CCNJL: variants seen among roughly 807,000 people sequenced by gnomAD.
CCNJL encodes cyclin-J-like protein.
In CCNJL, 33 loss-of-function variants were observed where a neutral mutation model predicts 33.4. The observed-to-expected ratio is 0.99, with a 90% CI of 0.75 to 1.32. The LOEUF is 1.32. Among genes scored for constraint, CCNJL ranks in the 40% most tolerant of loss-of-function variants. The pLI is 0.00. For missense variants in CCNJL, 512 were observed against 499.7 expected (o/e 1.02, Z -0.23); for synonymous variants, 227 against 220.9 (o/e 1.03, Z -0.24).
At chr5:160,296,720 C>T (rs914100399) in intron 2 of CCNJL, among the ~76,000 whole-genome samples, 1 of 152,180 alleles carries the variant, frequency 6.6e-6, no homozygotes, top group Non-Finnish European at 1.5e-5. Context: ...CTGCCCCTTG[C>T]AGGCCGCTAA....
rs534370577 is a variant in CCNJL at position 160,278,607 on chromosome 5, C to T, written c.280+1918G>A. 3.3e-5 allele frequency among the ~76,000 whole-genome samples: 5 copies of T among 152,294 alleles called. No individual in the cohort carries two copies. In the East Asian group the frequency reaches 9.7e-4, roughly 29 times the overall value. On this transcript the variant is annotated intron_variant, in intron 3 of 5. Coordinates refer to ENST00000257536, the MANE Select transcript of CCNJL (RefSeq NM_001308173.3). ...TCAGACACGTGGGTGGGGGCGTCTG[C>T]CTCTCTGTCTGAAACGTCCCCTCTC...
Position 160,255,545 on chromosome 5 carries a change from T to G in CCNJL, c.743+4A>C. 6 of 1,613,786 alleles carry G rather than the reference T, an allele frequency of 3.7e-6. No individual in the cohort carries two copies. The highest frequency in any genetic ancestry group is 5.1e-6 in the Non-Finnish European group (6 of 1,179,772). On this transcript the variant is annotated splice_donor_region_variant and intron_variant, in intron 5 of 5. Transcript: ENST00000257536. ...GAAACACAGGATTCAGGGGAGAAACTTACACCAGCAGGATTTCAATACACG... is the reference window on the plus strand; with the variant it reads ...GAAACACAGGATTCAGGGGAGAAACGTACACCAGCAGGATTTCAATACACG...
At chr5:160,318,852 G>A (rs1453156540) in intron 1 of CCNJL, among the ~76,000 whole-genome samples, 3 of 135,570 alleles carry the variant, frequency 2.2e-5, no homozygotes, top group African/African-American at 9.4e-5. Context: ...TCTTATTTTT[G>A]CATTTAAAAC....
chr5:160,312,705 C>G (rs1291726681), upstream of CCNJL: 1 of 151,988 alleles, frequency 6.6e-6, no homozygotes, highest in Non-Finnish European at 1.5e-5. Context: ...GCTTCCTGCC[C>G]GCCCTCCTCC....
intron 2 of CCNJL, among the ~76,000 whole-genome samples, chr5:160,310,319 T>C (rs894700446): frequency 2.0e-5 from 3 of 152,210 alleles, no homozygotes; most frequent in African/African-American, 7.2e-5. Flanking sequence ...GTGCCACACG[T>C]TGGCCACTCT....
chr5:160,293,050 A>G (rs1762637004), intron 2 of CCNJL, among the ~76,000 whole-genome samples: 1 of 152,240 alleles, frequency 6.6e-6, no homozygotes, highest in African/African-American at 2.4e-5. Context: ...ACTGTTTTCT[A>G]GACACTATGT....
intron 1 of CCNJL, among the ~76,000 whole-genome samples, chr5:160,320,757 T>C (rs377209563): frequency 7.9e-5 from 12 of 151,918 alleles, no homozygotes; most frequent in East Asian, 5.8e-4. Flanking sequence ...TGACTTTGCC[T>C]CTTTCTTTTC....
At chr5:160,254,899 A>C (rs1413991448) in intron 5 of CCNJL, 4 of 152,424 alleles carry the variant, frequency 2.6e-5, no homozygotes, top group Non-Finnish European at 5.9e-5. Context: ...GTCTGAGAAA[A>C]GTAGCTTATA....
chr5:160,304,939 G>A (rs1454928682), intron 2 of CCNJL, among the ~76,000 whole-genome samples: 2 of 151,854 alleles, frequency 1.3e-5, no homozygotes, highest in African/African-American at 4.8e-5. Context: ...TCAGCTTCAT[G>A]AGTAGCTGGG....
intron 4 of CCNJL, among the ~76,000 whole-genome samples, chr5:160,256,189 C>A (rs528743091): frequency 2.9e-4 from 44 of 152,202 alleles, no homozygotes; most frequent in Middle Eastern, 3.4e-3. Flanking sequence ...ACGCTCAGAC[C>A]AGTCTGAGAT....
chr5:160,277,917 T>C (rs1762072891), intron 3 of CCNJL, among the ~76,000 whole-genome samples: 1 of 151,982 alleles, frequency 6.6e-6, no homozygotes, highest in African/African-American at 2.4e-5. Context: ...TAATTGCTTT[T>C]TTTTTCTGAG....
intron 1 of CCNJL, among the ~76,000 whole-genome samples, chr5:160,321,012 C>CTCTCTCTT (rs1561812740): frequency 5.6e-5 from 4 of 71,994 alleles, no homozygotes; most frequent in East Asian, 7.7e-4. Context: ...CTCTCTCTCT[C>CTCTCTCTT]TCTTTCTTTC....
chr5:160,288,280 G>A (rs1580989669), intron 2 of CCNJL, among the ~76,000 whole-genome samples: 1 of 152,058 alleles, frequency 6.6e-6, no homozygotes, highest in East Asian at 1.9e-4. Flanking sequence ...AATGCTCAAT[G>A]CATAACCACT....
chr5:160,308,299 C>T (rs908467844), intron 2 of CCNJL, among the ~76,000 whole-genome samples: 10 of 152,206 alleles, frequency 6.6e-5, no homozygotes, highest in African/African-American at 2.4e-4. Flanking sequence ...TCCCAGCTTA[C>T]AGAAGAGGAA....
chr5:160,257,327 T>G (rs1297104358), intron 4 of CCNJL, among the ~76,000 whole-genome samples: 1 of 151,424 alleles, frequency 6.6e-6, no homozygotes. Context: ...TACAAAAAAT[T>G]AGCCAGGCGT....
intron 2 of CCNJL, among the ~76,000 whole-genome samples, chr5:160,282,976 T>TATATATATATATATATAC: frequency 2.0e-5 from 1 of 49,820 alleles, no homozygotes; most frequent in African/African-American, 1.1e-4. Flanking sequence ...AATATATATA[T>TATATATATATATATATAC]ATATATATAT....
At chr5:160,306,850 T>C (rs1321163141) in intron 2 of CCNJL, among the ~76,000 whole-genome samples, 4 of 152,204 alleles carry the variant, frequency 2.6e-5, no homozygotes, top group African/African-American at 9.6e-5. Context: ...CAACCTGCAG[T>C]TATTTTCCTA....
At chr5:160,290,456 G>A (rs1000863331) in intron 2 of CCNJL, among the ~76,000 whole-genome samples, 3 of 151,892 alleles carry the variant, frequency 2.0e-5, no homozygotes, top group South Asian at 2.1e-4. Flanking sequence ...TAGTAGAGAC[G>A]GGGTTTTCAC....
chr5:160,304,312 T>A (rs1763023488), intron 2 of CCNJL, among the ~76,000 whole-genome samples: 1 of 152,208 alleles, frequency 6.6e-6, no homozygotes, highest in Non-Finnish European at 1.5e-5. Flanking sequence ...GACACTATCT[T>A]GAGTGGCAGC....
Sources: allele counts gnomAD v4.1 joint callset (sites outside exome capture counted in the v4.1 genomes callset), GRCh38; gene constraint gnomAD v4.1.1; transcripts MANE v1.5; gene names NCBI Gene and HGNC (gene_info 2026-07-23, HGNC 2026-07-21).